MAPK9: variants seen among roughly 807,000 people sequenced by gnomAD.
MAPK9 encodes Jun kinase.
Under a neutral mutation model 57.1 loss-of-function variants are expected in MAPK9, and 30 were observed. That is an observed-to-expected ratio of 0.53 (90% CI 0.39 to 0.71). MAPK9 has a LOEUF of 0.71. Ranked by LOEUF, MAPK9 falls within the 30% of genes least tolerant of loss-of-function variation. MAPK9 has a pLI of 0.00. For missense variants in MAPK9, 362 were observed against 521.0 expected, an observed-to-expected ratio of 0.69 and a Z score of 2.97; for synonymous variants, 155 against 177.0, an observed-to-expected ratio of 0.88 and a Z score of 0.99.
At chr5:180,261,534 C>G (rs1050138325) in intron 5 of MAPK9, 150 bp downstream of exon 5, 1 of 806,950 alleles carries the variant, frequency 1.2e-6, no homozygotes, top group Non-Finnish European at 1.8e-6. Context: ...CAGATGCCTC[C>G]TAGAATGACT....
intron 4 of MAPK9, among the ~76,000 whole-genome samples, chr5:180,263,902 T>G (rs1386878422): frequency 1.3e-5 from 2 of 152,094 alleles, no homozygotes; most frequent in African/African-American, 4.8e-5. Context: ...AGACGGGGTT[T>G]CACCGTGTTA....
intron 1 of MAPK9, among the ~76,000 whole-genome samples, 188 bp downstream of exon 1, chr5:180,291,660 C>T (rs1763250825): frequency 6.6e-6 from 1 of 151,778 alleles, no homozygotes; most frequent in Non-Finnish European, 1.5e-5. Context: ...CAGCCCGGGG[C>T]TGCTGACAGC....
intron 2 of MAPK9, among the ~76,000 whole-genome samples, chr5:180,277,303 C>T (rs990863243): frequency 6.6e-6 from 1 of 152,184 alleles, no homozygotes; most frequent in African/African-American, 2.4e-5. Context: ...AGCAGGGCTG[C>T]GTGGCTCCTT....
intron 3 of MAPK9, 111 bp from the exon 4 acceptor site, chr5:180,264,950 T>G: frequency 1.2e-6 from 1 of 832,864 alleles, no homozygotes; most frequent in Non-Finnish European, 1.7e-6. Context: ...CAGAATTCAG[T>G]ACTTCTTATT....
At chr5:180,282,790 G>C (rs1296579016) in intron 1 of MAPK9, among the ~76,000 whole-genome samples, 5 of 152,234 alleles carry the variant, frequency 3.3e-5, no homozygotes, top group Admixed American at 3.3e-4. Context: ...GCTGTGGATG[G>C]TGAGGTACCA....
At chr5:180,255,806 C>G (rs1017955350) in intron 5 of MAPK9, among the ~76,000 whole-genome samples, 3 of 152,006 alleles carry the variant, frequency 2.0e-5, no homozygotes, top group Non-Finnish European at 1.5e-5. Context: ...GAAGAAAGAG[C>G]TAAGCATATT....
intron 2 of MAPK9, among the ~76,000 whole-genome samples, chr5:180,278,342 T>C (rs1172676982): frequency 1.3e-5 from 2 of 152,224 alleles, no homozygotes; most frequent in East Asian, 3.9e-4. Flanking sequence ...CTATTCACAT[T>C]ACTACCAACC....
intron 9 of MAPK9, 34 bp downstream of exon 9, chr5:180,240,997 T>G: frequency 6.3e-7 from 1 of 1,586,738 alleles, no homozygotes; most frequent in Non-Finnish European, 8.6e-7. Flanking sequence ...AAGCCTGGCC[T>G]CTCTATATAA....
At position 180,233,266 on chromosome 5, in the gene MAPK9, T is replaced by C. The variant is rs982280257; in HGVS notation, c.*3118A>G. ...GCACCATGAATGACGTTAAGTAACATGACTAAGGCTGACTGGTGAATTCTC... is the reference window on the plus strand; with the variant it reads ...GCACCATGAATGACGTTAAGTAACACGACTAAGGCTGACTGGTGAATTCTC... On this transcript the variant is annotated 3_prime_UTR_variant, in exon 12 of 12. Coordinates refer to ENST00000452135, the MANE Select transcript of MAPK9 (RefSeq NM_002752.5). The C allele has an allele frequency of 3.9e-5, 6 of 152,182 alleles. No individual in the cohort carries two copies. Among genetic ancestry groups the C allele is most frequent in the Admixed American group, 1.3e-4 (2 of 15,286 alleles). The allele number at this position is 152,182 out of a possible 1,614,324, so 9.4% of individuals were successfully genotyped here. A position where few individuals can be genotyped will look rare whatever the true frequency, so the allele number is the denominator to read the frequency against.
chr5:180,248,038 G>A lies in MAPK9; in HGVS notation c.617-528C>T. 8 of 923,408 alleles carry A rather than the reference G, an allele frequency of 8.7e-6. No individual in the cohort carries two copies. In the South Asian group the frequency reaches 1.1e-4, roughly 13 times the overall value. The allele number at this position is 923,408 out of a possible 1,614,324, so 57.2% of individuals were successfully genotyped here. ...CACTAGCTTGCCGGCGGGAGCCTCT[G>A]TGCGTTGTTGATACCACACCTCCTG... On this transcript the variant is annotated intron_variant, in intron 6 of 11. Transcript: ENST00000452135.
intron 5 of MAPK9, among the ~76,000 whole-genome samples, chr5:180,256,497 C>T (rs2127591158): frequency 6.6e-6 from 1 of 152,210 alleles, no homozygotes; most frequent in African/African-American, 2.4e-5. Flanking sequence ...ATCACTCTCC[C>T]ACATGGACAC....
intron 6 of MAPK9, among the ~76,000 whole-genome samples, chr5:180,248,217 A>C (rs1005519357): frequency 1.3e-5 from 2 of 152,206 alleles, no homozygotes; most frequent in Admixed American, 6.5e-5. Context: ...GACAGACAGC[A>C]GAGGCCTCTA....
intron 7 of MAPK9, chr5:180,242,990 A>C (rs970083582): frequency 1.4e-5 from 6 of 414,320 alleles, no homozygotes; most frequent in African/African-American, 1.2e-4. Flanking sequence ...CAACACAATG[A>C]AGTCTACACA....
intron 5 of MAPK9, among the ~76,000 whole-genome samples, 181 bp from the exon 6 acceptor site, chr5:180,249,319 C>T (rs184693299): frequency 6.6e-6 from 1 of 152,282 alleles, no homozygotes; most frequent in Admixed American, 6.5e-5. Context: ...AGCCTAAAGC[C>T]GTCAGATGGT....
chr5:180,258,359 G>C (rs1759512891), intron 5 of MAPK9: 1 of 152,250 alleles, frequency 6.6e-6, no homozygotes, highest in African/African-American at 2.4e-5. Context: ...TACTTTCAAA[G>C]ACATAAAGAG....
chr5:180,268,056 C>T (rs1248930973), intron 3 of MAPK9, among the ~76,000 whole-genome samples: 2 of 151,924 alleles, frequency 1.3e-5, no homozygotes, highest in African/African-American at 2.4e-5. Flanking sequence ...TATCTCCTGA[C>T]GTCATGATCC....
At chr5:180,267,387 C>T (rs144177686) in intron 3 of MAPK9, among the ~76,000 whole-genome samples, 3 of 151,344 alleles carry the variant, frequency 2.0e-5, no homozygotes. Context: ...TGGTGAAACC[C>T]CTGTCTCTAC....
chr5:180,247,364 C>T lies in MAPK9; in HGVS notation c.688+75G>A. On this transcript the variant is annotated intron_variant, in intron 7 of 11. Transcript: ENST00000452135. The surrounding 1 kb of genome is among the most constrained non-coding windows in gnomAD (Gnocchi z 4.5). ...TTTTACGACTTTGTCCTCGTGAGCG[C>T]TCGTGTAAGCAGGTGGTCATGCTGC... The T allele has an allele frequency of 1.9e-6, 3 of 1,567,214 alleles. No individual in the cohort carries two copies. Among genetic ancestry groups the T allele is most frequent in the Non-Finnish European group, 2.6e-6 (3 of 1,137,552 alleles).
chr5:180,248,989 C>T lies in MAPK9; in HGVS notation c.600G>A (p.Met200Ile), dbSNP rs1758401831. Residue 200 changes from methionine to isoleucine, a missense_variant, in exon 6 of 12, where the codon ATG becomes ATA. Physicochemically the swap from Met to Ile is conservative, Grantham distance 10. This residue lies in a region of MAPK9 where 127 missense variants were observed against 231.7 expected (regional missense o/e 0.55). Coordinates refer to ENST00000452135, the MANE Select transcript of MAPK9 (RefSeq NM_002752.5). The stretch of plus-strand genomic sequence containing the variant: ...TATACTCACCGTTCTCTTTGTAGCC[C>T]ATACCCAGGATGACTTCGGGCGCCC... ...YYRAPEVILG[M>I]GYKENVDIWS... The T allele has an allele frequency of 6.2e-7, 1 of 1,612,472 alleles. No individual in the cohort carries two copies. Among genetic ancestry groups the T allele is most frequent in the Non-Finnish European group, 8.5e-7 (1 of 1,179,052 alleles).
Sources: gnomAD v4.1 joint callset for allele counts (sites outside exome capture counted in the v4.1 genomes callset) on GRCh38, gnomAD v4.1.1 for gene constraint, gnomAD v4.1.1 regional missense constraint, Gnocchi (gnomAD v3.1) non-coding constraint, MANE v1.5 for transcripts, NCBI Gene and HGNC (gene_info 2026-07-23, HGNC 2026-07-21) for gene names.